The following GPC6 variants were observed in gnomAD, a reference collection of about 807,000 sequenced individuals.
GPC6 encodes the protein glypican 6.
In GPC6, 14 loss-of-function variants were observed where a neutral mutation model predicts 55.2. The observed-to-expected ratio is 0.25, with a 90% confidence interval of 0.17 to 0.40. GPC6 has a LOEUF of 0.40. Ranked by LOEUF, GPC6 falls within the 10% of genes least tolerant of loss-of-function variation. The pLI is 1.00. For synonymous variants in GPC6, 278 were observed against 259.6 expected (o/e 1.07, Z -0.68); for missense variants, 641 against 708.5 (o/e 0.90, Z 1.08).
chr13:93,584,684 GTTTT>G (rs779571682), intron 2 of GPC6, among the ~76,000 whole-genome samples: 8 of 95,568 alleles, frequency 8.4e-5, no homozygotes, highest in African/African-American at 2.8e-4. Flanking sequence ...CCTTCTGAAA[GTTTT>G]TTTTTTTTTT....
chr13:94,309,945 T>A (rs548700831), intron 6 of GPC6, among the ~76,000 whole-genome samples: 81 of 152,322 alleles, frequency 5.3e-4, no homozygotes, highest in African/African-American at 1.8e-3. Flanking sequence ...GTTCCTTTAT[T>A]CTTAAATGTG....
chr13:93,918,536 C>T (rs144061696), intron 3 of GPC6, among the ~76,000 whole-genome samples: 184 of 152,220 alleles, frequency 1.2e-3, no homozygotes, highest in African/African-American at 4.0e-3. Context: ...TCTCCAATGT[C>T]CCACATTAAA....
chr13:93,838,926 A>G (rs914348185), intron 3 of GPC6, among the ~76,000 whole-genome samples: 1 of 152,202 alleles, frequency 6.6e-6, no homozygotes, highest in Non-Finnish European at 1.5e-5. Flanking sequence ...AGCAACATTT[A>G]TCTAGAGAAA....
At chr13:93,599,286 T>TAAAA (rs66801721) in intron 2 of GPC6, among the ~76,000 whole-genome samples, 1 of 139,388 alleles carries the variant, frequency 7.2e-6, no homozygotes. Context: ...CAAATATTGG[T>TAAAA]AAAAAAAAAA....
At chr13:93,469,873 A>T (rs539781540) in intron 1 of GPC6, among the ~76,000 whole-genome samples, 4 of 152,086 alleles carry the variant, frequency 2.6e-5, no homozygotes, top group Non-Finnish European at 4.4e-5. Context: ...CTGAAAAGGG[A>T]ATCTTTTTTC....
At chr13:93,543,856 G>A (rs1202827622) in intron 1 of GPC6, among the ~76,000 whole-genome samples, 4 of 152,104 alleles carry the variant, frequency 2.6e-5, no homozygotes, top group Non-Finnish European at 5.9e-5. Context: ...GTTGCTGGAT[G>A]CTATTTGTAG....
At chr13:93,892,822 A>G (rs897219943) in intron 3 of GPC6, among the ~76,000 whole-genome samples, 1 of 152,134 alleles carries the variant, frequency 6.6e-6, no homozygotes, top group East Asian at 1.9e-4. Flanking sequence ...GCAGTGTTTC[A>G]CTAAGGAGAT....
chr13:94,393,581 T>A (rs1429131141), intron 7 of GPC6, among the ~76,000 whole-genome samples: 1 of 152,212 alleles, frequency 6.6e-6, no homozygotes, highest in Non-Finnish European at 1.5e-5. Context: ...CTTCTCATTG[T>A]GCCTTGAGGC....
chr13:93,392,567 C>T (rs1875672140), intron 1 of GPC6, among the ~76,000 whole-genome samples: 1 of 152,122 alleles, frequency 6.6e-6, no homozygotes, highest in Non-Finnish European at 1.5e-5. Context: ...CCCAAAGGAC[C>T]CTTAGCTTCT....
chr13:94,102,348 C>A (rs1375034056), intron 4 of GPC6, among the ~76,000 whole-genome samples: 1 of 152,084 alleles, frequency 6.6e-6, no homozygotes, highest in East Asian at 1.9e-4. Flanking sequence ...ATCCCCTATT[C>A]TATAATCCTC....
chr13:93,833,107 TAGAG>T (rs367949345), intron 3 of GPC6, among the ~76,000 whole-genome samples: 5,935 of 108,308 alleles, frequency 0.055, 107 homozygotes, highest in Non-Finnish European at 0.065. Context: ...AGGTAGATGA[TAGAG>T]AGAGAGAGAG....
chr13:94,096,317 C>T (rs568895399), intron 4 of GPC6, among the ~76,000 whole-genome samples: 132 of 146,480 alleles, frequency 9.0e-4, no homozygotes, highest in African/African-American at 3.1e-3. Flanking sequence ...TGTTTCAGGA[C>T]GCTTTTTTTT....
chr13:93,427,828 A>C (rs951670024), intron 1 of GPC6, among the ~76,000 whole-genome samples: 7 of 152,212 alleles, frequency 4.6e-5, no homozygotes, highest in Non-Finnish European at 1.0e-4. Flanking sequence ...GAACAAGTGG[A>C]AATCCAGATC....
intron 1 of GPC6, among the ~76,000 whole-genome samples, chr13:93,327,528 A>G (rs1227220293): frequency 1.3e-5 from 2 of 152,158 alleles, no homozygotes; most frequent in African/African-American, 4.8e-5. Flanking sequence ...TTGAAACCTC[A>G]TTAGGGAGAC....
intron 3 of GPC6, among the ~76,000 whole-genome samples, chr13:93,841,660 T>C (rs1887960258): frequency 6.6e-6 from 1 of 152,212 alleles, no homozygotes; most frequent in Non-Finnish European, 1.5e-5. Flanking sequence ...AATCAGTAGA[T>C]ACTGCCAAGT....
chr13:93,798,558 C>T (rs1466235345), intron 2 of GPC6, among the ~76,000 whole-genome samples: 1 of 152,128 alleles, frequency 6.6e-6, no homozygotes, highest in Non-Finnish European at 1.5e-5. Context: ...TACAGACATG[C>T]TATACCTTCC....
intron 3 of GPC6, among the ~76,000 whole-genome samples, chr13:94,014,575 A>C (rs1193526688): frequency 6.6e-6 from 1 of 152,120 alleles, no homozygotes; most frequent in Non-Finnish European, 1.5e-5. Context: ...TTTTTAGTAT[A>C]TTTACGGTGT....
chr13:93,327,300 G>C (rs1026895140), intron 1 of GPC6, among the ~76,000 whole-genome samples: 19 of 152,122 alleles, frequency 1.2e-4, no homozygotes, highest in Admixed American at 3.3e-4. Context: ...TTCCAGTGTG[G>C]TTATTTCTCT....
upstream of GPC6, among the ~76,000 whole-genome samples, chr13:93,225,516 T>A (rs879439613): frequency 6.6e-6 from 1 of 151,044 alleles, no homozygotes; most frequent in African/African-American, 2.4e-5. Context: ...TTGTTTTTTT[T>A]TTTTTTGGTT....
Sources: allele counts gnomAD v4.1 joint callset (sites outside exome capture counted in the v4.1 genomes callset), GRCh38; gene constraint gnomAD v4.1.1; transcripts MANE v1.5; gene names NCBI Gene and HGNC (gene_info 2026-07-23, HGNC 2026-07-21).